Variants in ZNF385D observed in about 807,000 individuals in gnomAD.
ZNF385D encodes zinc finger protein 659.
Under a neutral mutation model 35.8 loss-of-function variants are expected in ZNF385D, and 15 were observed. The ratio of observed to expected loss-of-function variants is 0.42; its 90% confidence interval spans 0.28 to 0.64. ZNF385D has a LOEUF of 0.64. ZNF385D is among the 30% of genes least tolerant of loss of function. The pLI is 0.23. For missense variants in ZNF385D, 474 were observed against 494.6 expected (o/e 0.96, Z 0.39); for synonymous variants, 212 against 186.8 (o/e 1.13, Z -1.10).
intron 3 of ZNF385D, among the ~76,000 whole-genome samples, chr3:21,813,415 G>C (rs1317450720): frequency 6.6e-6 from 1 of 152,172 alleles, no homozygotes; most frequent in South Asian, 2.1e-4. Flanking sequence ...AGCTAAAGGA[G>C]GATGTCTGAA....
chr3:21,971,709 C>A (rs773166627), intron 3 of ZNF385D, among the ~76,000 whole-genome samples: 3 of 151,056 alleles, frequency 2.0e-5, no homozygotes, highest in Non-Finnish European at 4.4e-5. Context: ...TGACCTGATG[C>A]CTACAAGAAA....
At chr3:22,310,300 T>G (rs114367326) in intron 2 of ZNF385D, among the ~76,000 whole-genome samples, 2,767 of 151,988 alleles carry the variant, frequency 0.018, 84 homozygotes, top group African/African-American at 0.061. Flanking sequence ...TTACCTTTCT[T>G]GATGGCTATG....
At chr3:21,718,473 T>C (rs1348687371) in intron 1 of ZNF385D, among the ~76,000 whole-genome samples, 1 of 152,252 alleles carries the variant, frequency 6.6e-6, no homozygotes, top group East Asian at 1.9e-4. Context: ...AGTATTTATC[T>C]AAGCACTTAC....
upstream of ZNF385D, among the ~76,000 whole-genome samples, chr3:21,754,810 G>A (rs1575594289): frequency 6.6e-6 from 1 of 152,226 alleles, no homozygotes; most frequent in Non-Finnish European, 1.5e-5. Context: ...TATATCTACA[G>A]TTCTTAGAAA....
intron 3 of ZNF385D, among the ~76,000 whole-genome samples, chr3:21,963,002 T>C (rs1264428509): frequency 6.6e-6 from 1 of 152,192 alleles, no homozygotes; most frequent in Non-Finnish European, 1.5e-5. Flanking sequence ...TAAATTATTC[T>C]CTGGGCAAAT....
rs1700245271 is a variant in ZNF385D at position 22,255,048 on chromosome 3, T to A, written c.107-86013A>T. Among the ~76,000 whole-genome samples the A allele has an allele frequency of 2.0e-5, 3 of 151,924 alleles. No individual in the cohort carries two copies. In the South Asian group the frequency reaches 6.2e-4, roughly 31 times the overall value. ...GTGCAAACATGCAATTTAAAATCTA[T>A]GTATTATTCATTTCTGGAACTTTCC... On this transcript the variant is annotated intron_variant, in intron 2 of 5. Coordinates refer to the ZNF385D transcript ENST00000494108.
rs1253190657 is a variant in ZNF385D at position 21,738,292 on chromosome 3, T to C, written c.22+12603A>G. On this transcript the variant is annotated intron_variant, in intron 1 of 7. Coordinates refer to ENST00000281523, the MANE Select transcript of ZNF385D (RefSeq NM_024697.3). ...GAAAGGTGTGGTGAGGAGGTCTGTG[T>C]TATGCAGCCAGACATCTTGGGTATG... Among the ~76,000 whole-genome samples, 4 of 152,222 alleles carry C rather than the reference T, an allele frequency of 2.6e-5. 1 individual carries two copies.
chr3:22,012,730 A>AC (rs1173084913), intron 3 of ZNF385D, among the ~76,000 whole-genome samples: 3 of 151,936 alleles, frequency 2.0e-5, no homozygotes. Flanking sequence ...AATGGTGCCT[A>AC]CCCCACTGTG....
intron 1 of ZNF385D, among the ~76,000 whole-genome samples, chr3:21,723,721 A>G (rs947281432): frequency 6.6e-6 from 1 of 152,198 alleles, no homozygotes; most frequent in African/African-American, 2.4e-5. Flanking sequence ...GTTGGAAAAC[A>G]CTCTTCAGGA....
intron 3 of ZNF385D, among the ~76,000 whole-genome samples, chr3:21,847,586 G>A (rs1436574732): frequency 6.6e-6 from 1 of 151,976 alleles, no homozygotes; most frequent in Non-Finnish European, 1.5e-5. Flanking sequence ...TTGATTGAAT[G>A]TAACAATATT....
At chr3:22,240,856 C>T (rs1327438456) in intron 2 of ZNF385D, among the ~76,000 whole-genome samples, 2 of 150,990 alleles carry the variant, frequency 1.3e-5, no homozygotes, top group Non-Finnish European at 2.9e-5. Flanking sequence ...TCCTTACCTA[C>T]ACAGATCTAA....
chr3:21,954,004 C>T (rs545302733), intron 3 of ZNF385D, among the ~76,000 whole-genome samples: 18 of 151,934 alleles, frequency 1.2e-4, no homozygotes, highest in African/African-American at 4.1e-4. Context: ...AAGAGAAAAA[C>T]AAGGAAAAGA....
chr3:22,121,531 G>A lies in ZNF385D; in HGVS notation c.325+47286C>T, dbSNP rs552954586. On this transcript the variant is annotated intron_variant, in intron 3 of 5. Coordinates refer to the ZNF385D transcript ENST00000494108. The stretch of plus-strand genomic sequence containing the variant: ...GAAAGGACAAACGCTTTGAGTTGGT[G>A]AGCCTGTACAGAAGGATGACTAGCG... Among the ~76,000 whole-genome samples, 3 of 152,324 alleles carry A rather than the reference G, an allele frequency of 2.0e-5. No individual in the cohort carries two copies. The South Asian group carries it at 6.2e-4, about 32-fold the overall frequency.
intron 3 of ZNF385D, among the ~76,000 whole-genome samples, chr3:21,915,977 C>G (rs1700176718): frequency 6.6e-6 from 1 of 152,076 alleles, no homozygotes. Flanking sequence ...CATCAAATTC[C>G]AGTGTAAAAG....
intron 2 of ZNF385D, among the ~76,000 whole-genome samples, chr3:22,357,933 T>TTTAAACA (rs1696230963): frequency 6.6e-6 from 1 of 151,888 alleles, no homozygotes; most frequent in African/African-American, 2.4e-5. Flanking sequence ...AGGAAACAGA[T>TTTAAACA]TTAAACATTA....
At chr3:22,124,999 A>G (rs991116564) in intron 3 of ZNF385D, among the ~76,000 whole-genome samples, 3 of 152,122 alleles carry the variant, frequency 2.0e-5, no homozygotes, top group Admixed American at 6.6e-5. Flanking sequence ...TCCCAGACCA[A>G]CATCCTGGAA....
At chr3:21,900,245 C>T (rs1042203721) in intron 3 of ZNF385D, among the ~76,000 whole-genome samples, 2 of 152,070 alleles carry the variant, frequency 1.3e-5, no homozygotes, top group Non-Finnish European at 2.9e-5. Flanking sequence ...GTTGGAGCCA[C>T]GTCTCACCTT....
chr3:21,732,030 G>GTTTTTTTTTTTT (rs1214143626), intron 1 of ZNF385D, among the ~76,000 whole-genome samples: 3 of 37,370 alleles, frequency 8.0e-5, no homozygotes, highest in Non-Finnish European at 1.1e-4. Flanking sequence ...TTTTTTCGGG[G>GTTTTTTTTTTTT]TTTTTTTTTT....
intron 3 of ZNF385D, among the ~76,000 whole-genome samples, chr3:22,065,687 T>C (rs915248592): frequency 1.3e-5 from 2 of 152,142 alleles, no homozygotes; most frequent in Admixed American, 1.3e-4. Context: ...TAAAAGTGTA[T>C]GTGTGTGCTG....
Sources: gnomAD v4.1 joint callset for allele counts (sites outside exome capture counted in the v4.1 genomes callset) on GRCh38, gnomAD v4.1.1 for gene constraint, MANE v1.5 for transcripts, NCBI Gene and HGNC (gene_info 2026-07-23, HGNC 2026-07-21) for gene names.